EXT1: variants seen among roughly 807,000 people sequenced by gnomAD.
EXT1 encodes the protein exostosin glycosyltransferase 1.
A neutral mutation model predicts 82.5 loss-of-function variants in EXT1; 20 were observed. The observed-to-expected ratio is 0.24, with a 90% CI of 0.17 to 0.35. The LOEUF is 0.35. EXT1 is among the 10% of genes least tolerant of loss of function. The pLI is 1.00. For missense variants in EXT1, 757 were observed against 936.5 expected (o/e 0.81, Z 2.50); for synonymous variants, 348 against 350.8 (o/e 0.99, Z 0.09).
intron 4 of EXT1, among the ~76,000 whole-genome samples, chr8:117,824,408 A>T (rs1811976133): frequency 6.6e-6 from 1 of 152,240 alleles, no homozygotes; most frequent in Non-Finnish European, 1.5e-5. Context: ...CAAGCATTTT[A>T]TACTGTCTTC....
chr8:118,064,144 G>C (rs1295228945), intron 1 of EXT1, among the ~76,000 whole-genome samples: 1 of 152,136 alleles, frequency 6.6e-6, no homozygotes, highest in Non-Finnish European at 1.5e-5. Flanking sequence ...GATTACAGGC[G>C]TGAGCCACCG....
intron 1 of EXT1, among the ~76,000 whole-genome samples, chr8:117,946,517 C>T: frequency 6.6e-6 from 1 of 152,178 alleles, no homozygotes; most frequent in East Asian, 1.9e-4. Context: ...AAGGTACAGA[C>T]AGACCAGGGC....
intron 1 of EXT1, among the ~76,000 whole-genome samples, chr8:118,075,830 AATGGGATCTC>A (rs1175181997): frequency 6.6e-6 from 1 of 152,134 alleles, no homozygotes; most frequent in African/African-American, 2.4e-5. Context: ...AGTTTGAAAC[AATGGGATCTC>A]ATGGGAAATC....
At chr8:117,964,127 C>T (rs1814757950) in intron 1 of EXT1, among the ~76,000 whole-genome samples, 1 of 152,322 alleles carries the variant, frequency 6.6e-6, no homozygotes, top group East Asian at 1.9e-4. Context: ...TACTTATACA[C>T]TTTACCTATT....
At chr8:117,855,454 G>C (rs72673939) in intron 1 of EXT1, among the ~76,000 whole-genome samples, 22,243 of 152,062 alleles carry the variant, frequency 0.15, 2,136 homozygotes, top group Non-Finnish European at 0.19. Context: ...TGTTACTACT[G>C]TAATTGTTTT....
intron 1 of EXT1, among the ~76,000 whole-genome samples, chr8:117,892,417 TTGCTGCTGC>T (rs925705401): frequency 1.3e-5 from 2 of 151,970 alleles, no homozygotes; most frequent in African/African-American, 2.4e-5. Context: ...ACTTCTACTA[TTGCTGCTGC>T]TGCTGCTGCT....
intron 1 of EXT1, among the ~76,000 whole-genome samples, chr8:117,931,654 C>G (rs1033938770): frequency 3.3e-5 from 5 of 152,174 alleles, no homozygotes; most frequent in African/African-American, 1.2e-4. Flanking sequence ...ACGAGGATAC[C>G]TATTTTCAAA....
intron 1 of EXT1, among the ~76,000 whole-genome samples, chr8:117,883,426 A>T (rs1445351653): frequency 6.6e-6 from 1 of 152,226 alleles, no homozygotes; most frequent in Admixed American, 6.5e-5. Context: ...GAACCATCCG[A>T]CAAGGCTTAT....
At chr8:118,041,660 G>A (rs923646125) in intron 1 of EXT1, among the ~76,000 whole-genome samples, 20 of 101,300 alleles carry the variant, frequency 2.0e-4, no homozygotes, top group African/African-American at 6.6e-4. Flanking sequence ...AAGAAAGAGA[G>A]AGAAAGAAGG....
chr8:118,022,754 ATT>A (rs1816131679), intron 1 of EXT1, among the ~76,000 whole-genome samples: 2 of 152,112 alleles, frequency 1.3e-5, no homozygotes, highest in Admixed American at 1.3e-4. Flanking sequence ...AAGATTTATT[ATT>A]TTTCTGGAAT....
rs1313210405 is a variant in EXT1 at position 117,822,558 on chromosome 8, T to C, written c.1324A>G (p.Ser442Gly). ...DRIFKHISRNSLIWNKHPGGL... is the reference protein window; with the variant it reads ...DRIFKHISRNGLIWNKHPGGL... ...CCAGGATGTTTGTTCCATATTAAACTGTTACGTGATATGTGCTTGAATATT... is the reference window on the plus strand; with the variant it reads ...CCAGGATGTTTGTTCCATATTAAACCGTTACGTGATATGTGCTTGAATATT... Residue 442 changes from serine (S) to glycine (G), a missense_variant, in exon 5 of 11, where the codon AGT (serine) becomes GGT (glycine). Ser to Gly is a moderately conservative substitution (Grantham distance 56). Around this residue, in one of 4 missense-constraint regions of EXT1, gnomAD observed 207 missense variants for 224.2 expected, o/e 0.92. Transcript: ENST00000378204. 8 of 1,613,272 alleles carry C rather than the reference T, an allele frequency of 5.0e-6. No individual in the cohort carries two copies. The Admixed American group carries it at 8.3e-5, about 17-fold the overall frequency.
chr8:118,109,447 ATGC>A (rs1563659025), intron 1 of EXT1, among the ~76,000 whole-genome samples: 27 of 28,054 alleles, frequency 9.6e-4, no homozygotes, highest in African/African-American at 1.6e-3. Context: ...GAATGAATGC[ATGC>A]ATGCATGCAT....
intron 1 of EXT1, among the ~76,000 whole-genome samples, chr8:118,049,887 G>C (rs754070348): frequency 2.0e-4 from 31 of 152,118 alleles, no homozygotes; most frequent in Non-Finnish European, 3.5e-4. Context: ...CGGAGGCACA[G>C]GCTGCACAGG....
At chr8:117,979,251 G>A (rs1815132765) in intron 1 of EXT1, among the ~76,000 whole-genome samples, 1 of 152,022 alleles carries the variant, frequency 6.6e-6, no homozygotes, top group Admixed American at 6.5e-5. Flanking sequence ...CTACTCGGGA[G>A]GCTGAGGCAG....
chr8:118,022,701 C>G (rs551964699), intron 1 of EXT1, among the ~76,000 whole-genome samples: 1 of 151,654 alleles, frequency 6.6e-6, no homozygotes, highest in Admixed American at 6.6e-5. Flanking sequence ...CAAGGTTAAC[C>G]CAACAATGTC....
intron 1 of EXT1, among the ~76,000 whole-genome samples, chr8:118,042,975 A>G (rs17476693): frequency 0.044 from 6,650 of 152,262 alleles, 486 homozygotes; most frequent in African/African-American, 0.15. Flanking sequence ...CCCCAACTCT[A>G]TGGCGCACTC....
chr8:118,100,341 C>T (rs960959967), intron 1 of EXT1, among the ~76,000 whole-genome samples: 1 of 152,158 alleles, frequency 6.6e-6, no homozygotes, highest in African/African-American at 2.4e-5. Context: ...AAATGATTTT[C>T]GGCTCTTTGC....
rs141252466 is a variant in EXT1, at chr8:117,962,328, G to A, written c.963-125127C>T. Reference sequence around the variant, plus strand: ...AAACCAAATTTAGCCAAGGGGGCCTGGTGCTGTGCCTCACACCTGTAATCC... The same window carrying A: ...AAACCAAATTTAGCCAAGGGGGCCTAGTGCTGTGCCTCACACCTGTAATCC... On this transcript the variant is annotated intron_variant, in intron 1 of 10. Coordinates refer to ENST00000378204, the MANE Select transcript of EXT1 (RefSeq NM_000127.3). Among the ~76,000 whole-genome samples the A allele has an allele frequency of 6.7e-4, 102 of 152,238 alleles. 1 individual carries two copies. Among genetic ancestry groups the A allele is most frequent in the Middle Eastern group, 3.4e-3 (1 of 294 alleles).
chr8:118,040,060 A>T (rs1161598029), intron 1 of EXT1, among the ~76,000 whole-genome samples: 2 of 152,202 alleles, frequency 1.3e-5, no homozygotes, highest in African/African-American at 4.8e-5. Context: ...ATCTCAAATG[A>T]GAAGCAGAAA....
Sources: allele counts gnomAD v4.1 joint callset (sites outside exome capture counted in the v4.1 genomes callset), GRCh38; gene constraint gnomAD v4.1.1; regional missense constraint gnomAD v4.1.1; transcripts MANE v1.5; gene names NCBI Gene and HGNC (gene_info 2026-07-23, HGNC 2026-07-21).